Variants in PCCA observed in about 807,000 individuals in gnomAD.
PCCA encodes propionyl-CoA carboxylase subunit alpha.
Under a neutral mutation model 101.3 loss-of-function variants are expected in PCCA, and 74 were observed. That is an observed-to-expected ratio of 0.73 (90% CI 0.61 to 0.89). PCCA has a LOEUF of 0.89. PCCA is among the 40% of genes least tolerant of loss of function. The pLI is 0.00. For missense variants in PCCA, 891 were observed against 907.0 expected (o/e 0.98, Z 0.23); for synonymous variants, 294 against 313.6 (o/e 0.94, Z 0.66).
At chr13:100,429,855 C>A (rs574454744) in intron 20 of PCCA, among the ~76,000 whole-genome samples, 71 of 152,026 alleles carry the variant, frequency 4.7e-4, no homozygotes, top group African/African-American at 1.7e-3. Flanking sequence ...CATCCACCTG[C>A]CTCAGCCTCC....
At chr13:100,502,705 T>C (rs2085768709) in intron 21 of PCCA, among the ~76,000 whole-genome samples, 1 of 152,206 alleles carries the variant, frequency 6.6e-6, no homozygotes, top group Non-Finnish European at 1.5e-5. Context: ...GAGAGCTTTC[T>C]GTTGATTGGT....
intron 12 of PCCA, among the ~76,000 whole-genome samples, chr13:100,283,964 TC>T (rs1427743104): frequency 1.3e-5 from 2 of 152,148 alleles, no homozygotes; most frequent in Non-Finnish European, 2.9e-5. Flanking sequence ...AACCAGATGA[TC>T]CAACAACAGG....
At chr13:100,519,111 T>C (rs2153000632) in intron 22 of PCCA, among the ~76,000 whole-genome samples, 1 of 152,348 alleles carries the variant, frequency 6.6e-6, no homozygotes, top group African/African-American at 2.4e-5. Flanking sequence ...CATTTTAATA[T>C]TGCATTTAGT....
In PCCA at chr13:100,125,135, T is replaced by TTG. The variant is rs3034643; in HGVS notation, c.300+13100_300+13101dup. Among the ~76,000 whole-genome samples the TTG allele has an allele frequency of 2.6e-3, 382 of 149,216 alleles. 2 individuals carry two copies. In the Middle Eastern group the frequency reaches 0.028, roughly 11 times the overall value. ...TGAAAAGTATCAGGTGACCTTTTAT[T>TTG]TGTGTGTGTGTGTGTGTGTGTGTGT... On this transcript the variant is annotated intron_variant, in intron 4 of 23. Coordinates refer to ENST00000376285, the MANE Select transcript of PCCA (RefSeq NM_000282.4).
At chr13:100,228,069 G>T (rs1233335009) in intron 7 of PCCA, among the ~76,000 whole-genome samples, 2 of 152,010 alleles carry the variant, frequency 1.3e-5, no homozygotes, top group Non-Finnish European at 2.9e-5. Flanking sequence ...AGGCTGGAGT[G>T]CAGTGGTGCC....
intron 21 of PCCA, among the ~76,000 whole-genome samples, chr13:100,496,180 A>G (rs2085264860): frequency 6.6e-6 from 1 of 152,190 alleles, no homozygotes; most frequent in Admixed American, 6.5e-5. Flanking sequence ...AAACCTTTCA[A>G]ATTTTGCCAG....
At chr13:100,231,268 C>T (rs1389244850) in intron 7 of PCCA, among the ~76,000 whole-genome samples, 1 of 152,180 alleles carries the variant, frequency 6.6e-6, no homozygotes, top group Non-Finnish European at 1.5e-5. Flanking sequence ...CTTCAGGGCC[C>T]AGAATTGGGC....
At chr13:100,120,400 G>A (rs900420342) in intron 4 of PCCA, among the ~76,000 whole-genome samples, 3 of 152,016 alleles carry the variant, frequency 2.0e-5, no homozygotes, top group Non-Finnish European at 4.4e-5. Flanking sequence ...TTCATTTGAA[G>A]GATGTTTGTT....
At chr13:100,527,165 G>T in intron 22 of PCCA, 1 of 384,592 alleles carries the variant, frequency 2.6e-6, no homozygotes. Flanking sequence ...CCTTTAACGT[G>T]TACGATTCGG....
At chr13:100,219,017 C>G (rs1385080989) in intron 7 of PCCA, among the ~76,000 whole-genome samples, 1 of 152,138 alleles carries the variant, frequency 6.6e-6, no homozygotes, top group East Asian at 1.9e-4. Flanking sequence ...CCTGAAAGAG[C>G]TTGGCAGCAA....
chr13:100,501,884 T>TAAATA (rs746930137), intron 21 of PCCA, among the ~76,000 whole-genome samples: 63 of 151,672 alleles, frequency 4.2e-4, no homozygotes, highest in Middle Eastern at 3.4e-3. Context: ...AATAAATAAA[T>TAAATA]AAATAAATAA....
intron 6 of PCCA, among the ~76,000 whole-genome samples, chr13:100,195,908 C>G (rs1024036025): frequency 6.6e-6 from 1 of 152,098 alleles, no homozygotes; most frequent in Non-Finnish European, 1.5e-5. Flanking sequence ...CCCACCCAGG[C>G]TCTTTCTTCT....
intron 22 of PCCA, among the ~76,000 whole-genome samples, chr13:100,522,877 AG>A (rs953234544): frequency 1.3e-5 from 2 of 152,246 alleles, no homozygotes; most frequent in African/African-American, 4.8e-5. Context: ...CTCCAATTTT[AG>A]GCCTTTGCCA....
intron 14 of PCCA, among the ~76,000 whole-genome samples, chr13:100,303,616 CAT>C (rs58706151): frequency 0.033 from 4,784 of 146,490 alleles, 234 homozygotes; most frequent in African/African-American, 0.11. Flanking sequence ...GTAATAAGTG[CAT>C]ATATATATAT....
intron 16 of PCCA, among the ~76,000 whole-genome samples, chr13:100,328,371 TATAATA>T (rs58866207): frequency 0.016 from 2,221 of 141,808 alleles, 30 homozygotes; most frequent in Non-Finnish European, 0.024. Context: ...TCAAAAAATA[TATAATA>T]ATAATAATAA....
At chr13:100,130,566 T>A (rs1025462749) in intron 4 of PCCA, among the ~76,000 whole-genome samples, 2 of 46,466 alleles carry the variant, frequency 4.3e-5, no homozygotes, top group Non-Finnish European at 7.3e-5. Context: ...GTAGAAATTG[T>A]TAAGTTGAGG....
intron 6 of PCCA, among the ~76,000 whole-genome samples, chr13:100,168,115 G>T (rs2055242545): frequency 6.6e-6 from 1 of 152,006 alleles, no homozygotes; most frequent in African/African-American, 2.4e-5. Flanking sequence ...TTCAGCAGTT[G>T]AATCTCAACC....
chr13:100,390,632 T>C (rs918994758), intron 19 of PCCA, among the ~76,000 whole-genome samples: 4 of 152,084 alleles, frequency 2.6e-5, no homozygotes, highest in Non-Finnish European at 5.9e-5. Context: ...ACCCAAGAAG[T>C]TGTGTTGTTT....
At chr13:100,279,354 G>T (rs577588237) in intron 12 of PCCA, among the ~76,000 whole-genome samples, 4 of 152,248 alleles carry the variant, frequency 2.6e-5, no homozygotes, top group African/African-American at 7.2e-5. Flanking sequence ...TGTGTGATAG[G>T]GGGTATTTGA....
Sources: gnomAD v4.1 joint callset for allele counts (sites outside exome capture counted in the v4.1 genomes callset) on GRCh38, gnomAD v4.1.1 for gene constraint, MANE v1.5 for transcripts, NCBI Gene and HGNC (gene_info 2026-07-23, HGNC 2026-07-21) for gene names.